Variants in MS4A14 observed in about 807,000 individuals in gnomAD.
The protein encoded by MS4A14 is membrane spanning 4-domains A14.
Under a neutral mutation model 16.7 loss-of-function variants are expected in MS4A14, and 18 were observed. That is an observed-to-expected ratio of 1.08 (90% CI 0.75 to 1.60). MS4A14 has a LOEUF of 1.60. Among genes scored for constraint, MS4A14 ranks in the 40% most tolerant of loss-of-function variants. The pLI is 0.00. For synonymous variants in MS4A14, 305 were observed against 289.4 expected (o/e 1.05, Z -0.55); for missense variants, 812 against 775.3 (o/e 1.05, Z -0.56).
At position 60,415,948 on chromosome 11, in the gene MS4A14, T is replaced by A. The variant is rs779038408; in HGVS notation, c.980T>A (p.Val327Glu). 6.8e-6 allele frequency: 11 copies of A among 1,613,838 alleles called. No individual in the cohort carries two copies. Among genetic ancestry groups the A allele is most frequent in the Non-Finnish European group, 8.5e-6 (10 of 1,179,940 alleles). Residue 327 changes from valine to glutamate, a missense_variant, in exon 5 of 5, where the codon GTA (valine) becomes GAA (glutamate). By Grantham distance (121) the Val-to-Glu change is moderately radical. Coordinates refer to ENST00000300187, the MANE Select transcript of MS4A14 (RefSeq NM_032597.5). Reference sequence around the variant, plus strand: ...GACTTGCCATCCCAAGCTCTACCAGTAGAAGGCCTGTCAGAACAAACCATG... The same window carrying A: ...GACTTGCCATCCCAAGCTCTACCAGAAGAAGGCCTGTCAGAACAAACCATG... ...PEDLPSQALP[V>E]EGLSEQTMPS...
chr11:60,408,245 A>G (rs2085816632), intron 4 of MS4A14, among the ~76,000 whole-genome samples: 3 of 152,274 alleles, frequency 2.0e-5, no homozygotes, highest in South Asian at 2.1e-4. Flanking sequence ...CACTACGTCT[A>G]TCCTTCCACG....
At position 60,405,212 on chromosome 11, in the gene MS4A14, T is replaced by C. The variant is rs945139958; in HGVS notation, c.468+2151T>C. Among the ~76,000 whole-genome samples, 64 of 152,122 alleles carry C rather than the reference T, an allele frequency of 4.2e-4. 2 individuals carry two copies. Among genetic ancestry groups the C allele is most frequent in the Non-Finnish European group, 5.9e-5 (4 of 68,020 alleles). ...CTCCTGCCTCAGCCTCCCGAGTAGCTGGGATTACAGGCATGCACCACCAGG... is the reference window on the plus strand; with the variant it reads ...CTCCTGCCTCAGCCTCCCGAGTAGCCGGGATTACAGGCATGCACCACCAGG... On this transcript the variant is annotated intron_variant, in intron 4 of 4. Coordinates refer to ENST00000300187, the MANE Select transcript of MS4A14 (RefSeq NM_032597.5).
intron 4 of MS4A14, chr11:60,404,416 T>G: frequency 7.4e-6 from 3 of 403,580 alleles, no homozygotes; most frequent in Non-Finnish European, 1.5e-5. Flanking sequence ...AGAGTAATCA[T>G]TTAAAAATGT....
intron 4 of MS4A14, among the ~76,000 whole-genome samples, chr11:60,410,962 C>T (rs757393780): frequency 4.6e-5 from 7 of 152,100 alleles, no homozygotes; most frequent in Non-Finnish European, 8.8e-5. Context: ...TCTTCTGCCT[C>T]GGCCTCCTAA....
chr11:60,403,607 A>T (rs956183198), intron 4 of MS4A14, among the ~76,000 whole-genome samples: 1 of 152,218 alleles, frequency 6.6e-6, no homozygotes, highest in Non-Finnish European at 1.5e-5. Flanking sequence ...TGGCAATTTT[A>T]TTCATTAAAG....
Position 60,415,990 on chromosome 11 carries a change from C to T in MS4A14, c.1022C>T (p.Ser341Leu), listed in dbSNP as rs777677212. The T allele has an allele frequency of 9.9e-6, 16 of 1,613,818 alleles. No individual in the cohort carries two copies. The highest frequency in any genetic ancestry group is 1.4e-5 in the Non-Finnish European group (16 of 1,179,930). ...SEQTMPSKST[S>L]SHVKQSSNLT... ...CAAACCATGCCATCTAAGTCTACATCATCCCATGTCAAACAGTCTTCTAAT... is the reference window on the plus strand; with the variant it reads ...CAAACCATGCCATCTAAGTCTACATTATCCCATGTCAAACAGTCTTCTAAT... The change falls in exon 5 of 5, where the codon TCA becomes TTA. Residue 341 changes from serine to leucine, a missense_variant. By Grantham distance (145) the Ser-to-Leu change is moderately radical (BLOSUM62 -2). Transcript: ENST00000300187.
intron 2 of MS4A14, 33 bp from the exon 3 acceptor site, chr11:60,400,371 C>T (rs1213596204): frequency 1.3e-6 from 2 of 1,481,974 alleles, no homozygotes; most frequent in African/African-American, 2.8e-5. Flanking sequence ...AAACACATCA[C>T]CTGTTAACTT....
In MS4A14 at chr11:60,416,402, T is replaced by C. The variant is rs2085944568; in HGVS notation, c.1434T>C (p.His478=). Residue 478 remains histidine, a synonymous_variant, in exon 5 of 5, where the codon CAT becomes CAC. Coordinates refer to ENST00000300187, the MANE Select transcript of MS4A14 (RefSeq NM_032597.5). Reference sequence around the variant, plus strand: ...AATGGAAATCTGAGGAGGAACTCCATAGAAGAAAATCCTCAAGACGGCATT... The same window carrying C: ...AATGGAAATCTGAGGAGGAACTCCACAGAAGAAAATCCTCAAGACGGCATT... The part of the protein sequence containing the change: ...TKEWKSEEEL[H]RRKSSRRHSL... 6.2e-7 allele frequency: 1 copy of C among 1,613,924 alleles called. No homozygotes were observed. The highest frequency in any genetic ancestry group is 1.1e-5 in the South Asian group (1 of 91,072).
Position 60,416,083 on chromosome 11 carries a change from T to C in MS4A14, c.1115T>C (p.Phe372Ser), listed in dbSNP as rs2135156553. Residue 372 changes from phenylalanine (F) to serine (S), a missense_variant, in exon 5 of 5, where the codon TTT (phenylalanine) becomes TCT (serine). Phe to Ser is a radical substitution (Grantham distance 155). Transcript: ENST00000300187. Reference protein sequence around the residue: ...SQDTSSQDMLFHDMTSQDMQS... With the variant: ...SQDTSSQDMLSHDMTSQDMQS... Reference sequence around the variant, plus strand: ...GACACATCATCTCAAGATATGCTGTTTCATGACATGACATCCCAAGATATG... The same window carrying C: ...GACACATCATCTCAAGATATGCTGTCTCATGACATGACATCCCAAGATATG... The C allele has an allele frequency of 6.2e-7, 1 of 1,611,050 alleles. No homozygotes were observed. Among genetic ancestry groups the C allele is most frequent in the Admixed American group, 1.7e-5 (1 of 59,414 alleles).
At chr11:60,400,874 C>T (rs1478567404) in intron 3 of MS4A14, among the ~76,000 whole-genome samples, 1 of 152,178 alleles carries the variant, frequency 6.6e-6, no homozygotes. Context: ...CCCCCCAACA[C>T]AAAAATTATC....
chr11:60,412,530 A>G (rs1289554475), intron 4 of MS4A14, among the ~76,000 whole-genome samples: 1 of 151,872 alleles, frequency 6.6e-6, no homozygotes, highest in Non-Finnish European at 1.5e-5. Context: ...TTTTTATAGT[A>G]TTCTTTTACA....
intron 4 of MS4A14, among the ~76,000 whole-genome samples, chr11:60,407,784 C>G (rs531387443): frequency 6.6e-6 from 1 of 151,988 alleles, no homozygotes; most frequent in Non-Finnish European, 1.5e-5. Flanking sequence ...TCTTATTGGC[C>G]TTATAGCAGC....
chr11:60,400,195 G>C (rs1189314122), intron 2 of MS4A14, among the ~76,000 whole-genome samples: 1 of 152,204 alleles, frequency 6.6e-6, no homozygotes. Flanking sequence ...GGCCCTGGCA[G>C]AGAGCGCTTG....
intron 2 of MS4A14, among the ~76,000 whole-genome samples, chr11:60,399,825 G>A (rs2085683858): frequency 6.6e-6 from 1 of 152,058 alleles, no homozygotes; most frequent in Admixed American, 6.6e-5. Flanking sequence ...CAGATCCTTG[G>A]ACTCTAAGAC....
rs1242775154 is a variant in MS4A14, at chr11:60,416,359, T to C, written c.1391T>C (p.Val464Ala). Residue 464 changes from valine to alanine, a missense_variant, in exon 5 of 5, where the codon GTT becomes GCT. Physicochemically the swap from Val to Ala is moderately conservative, Grantham distance 64 (BLOSUM62 0). Transcript: ENST00000300187. ...TCATATCAAGATATTAGATCAGAAG[T>C]TATGGAAGAGACCAAAGAATGGAAA... ...QMSYQDIRSE[V>A]MEETKEWKSE... 3.1e-6 allele frequency: 5 copies of C among 1,613,800 alleles called. No homozygotes were observed. Among genetic ancestry groups the C allele is most frequent in the Non-Finnish European group, 4.2e-6 (5 of 1,179,948 alleles).
intron 3 of MS4A14, among the ~76,000 whole-genome samples, chr11:60,401,344 G>T (rs558106962): frequency 6.6e-6 from 1 of 152,294 alleles, no homozygotes; most frequent in African/African-American, 2.4e-5. Flanking sequence ...GCAGATAAAT[G>T]TTTCCATCCC....
At position 60,402,937 on chromosome 11, in the gene MS4A14, T is replaced by G; in HGVS notation, c.344T>G (p.Val115Gly). 3.1e-6 allele frequency: 5 copies of G among 1,613,826 alleles called. No homozygotes were observed. Among genetic ancestry groups the G allele is most frequent in the Non-Finnish European group, 4.2e-6 (5 of 1,179,770 alleles). Reference sequence around the variant, plus strand: ...GGTCAAGGTGTCACGGGCATGAATGTTATCAGCTCCTTGGTTGCGATAACT... The same window carrying G: ...GGTCAAGGTGTCACGGGCATGAATGGTATCAGCTCCTTGGTTGCGATAACT... The part of the protein sequence containing the change: ...LLGQGVTGMN[V>G]ISSLVAITGI... Residue 115 changes from valine (V) to glycine (G), a missense_variant, in exon 4 of 5, where the codon GTT (valine) becomes GGT (glycine). Coordinates refer to ENST00000300187, the MANE Select transcript of MS4A14 (RefSeq NM_032597.5).
intron 4 of MS4A14, among the ~76,000 whole-genome samples, chr11:60,407,828 A>T (rs2085809853): frequency 1.3e-5 from 2 of 151,816 alleles, no homozygotes; most frequent in South Asian, 2.1e-4. Flanking sequence ...CTTTACAAAT[A>T]TTTTTTCACA....
rs1018732573 is a variant in MS4A14, at chr11:60,416,080, T to C, written c.1112T>C (p.Leu371Pro). ...LSQDTSSQDM[L>P]FHDMTSQDMQ... ...CAAGACACATCATCTCAAGATATGC[T>C]GTTTCATGACATGACATCCCAAGAT... Residue 371 changes from leucine to proline, a missense_variant, in exon 5 of 5, where the codon CTG becomes CCG. Physicochemically the swap from Leu to Pro is moderately conservative, Grantham distance 98. Coordinates refer to ENST00000300187, the MANE Select transcript of MS4A14 (RefSeq NM_032597.5). 1.2e-6 allele frequency: 2 copies of C among 1,611,436 alleles called. No individual in the cohort carries two copies. Among genetic ancestry groups the C allele is most frequent in the Non-Finnish European group, 8.5e-7 (1 of 1,178,718 alleles).
Sources: gnomAD v4.1 joint callset for allele counts (sites outside exome capture counted in the v4.1 genomes callset) on GRCh38, gnomAD v4.1.1 for gene constraint, MANE v1.5 for transcripts, NCBI Gene and HGNC (gene_info 2026-07-23, HGNC 2026-07-21) for gene names.